The following CEP112 variants were observed in gnomAD, a reference collection of about 807,000 sequenced individuals.
The protein encoded by CEP112 is centrosomal protein of 112 kDa.
CEP112 carries 127 observed loss-of-function variants against 153.0 expected under a neutral mutation model. The ratio of observed to expected loss-of-function variants is 0.83; its 90% CI spans 0.72 to 0.96. CEP112 has a LOEUF of 0.96. Among genes scored for constraint, CEP112 ranks in the 40% least tolerant of loss-of-function variants. The probability of loss-of-function intolerance (pLI) is 0.00; values close to 1 mark genes in which losing one functional copy is unlikely to be tolerated. For synonymous variants in CEP112, 358 were observed against 374.4 expected (o/e 0.96, Z 0.51); for missense variants, 1,089 against 1,101.2 (o/e 0.99, Z 0.16).
At chr17:65,967,741 G>C (rs114553271) in intron 17 of CEP112, among the ~76,000 whole-genome samples, 291 of 152,198 alleles carry the variant, frequency 1.9e-3, no homozygotes, top group African/African-American at 6.7e-3. Flanking sequence ...ACAGTTTAAA[G>C]TTTATGTAAT....
chr17:66,107,220 A>G (rs910910778), intron 6 of CEP112, among the ~76,000 whole-genome samples: 3 of 152,108 alleles, frequency 2.0e-5, no homozygotes, highest in African/African-American at 4.8e-5. Flanking sequence ...AGCCTTTCCT[A>G]TAAGATCTGG....
At chr17:65,728,554 T>C (rs1011465751) in intron 23 of CEP112, among the ~76,000 whole-genome samples, 91 of 152,212 alleles carry the variant, frequency 6.0e-4, no homozygotes, top group African/African-American at 2.1e-3. Flanking sequence ...AGAGAACTGT[T>C]GTACCAGTGG....
chr17:65,660,451 CT>C (rs2046320544), intron 24 of CEP112, among the ~76,000 whole-genome samples: 2 of 82,888 alleles, frequency 2.4e-5, no homozygotes, highest in African/African-American at 5.1e-5. Flanking sequence ...CTCTCTCTCT[CT>C]TCTCTCTCTC....
At chr17:65,915,243 G>A (rs181164882) in intron 19 of CEP112, among the ~76,000 whole-genome samples, 5 of 152,152 alleles carry the variant, frequency 3.3e-5, no homozygotes, top group African/African-American at 9.6e-5. Flanking sequence ...TTGCTCAGTT[G>A]GGAAACTTTT....
intron 21 of CEP112, among the ~76,000 whole-genome samples, chr17:65,838,252 A>G (rs1308317098): frequency 6.6e-6 from 1 of 152,200 alleles, no homozygotes; most frequent in Non-Finnish European, 1.5e-5. Context: ...ACTACATATT[A>G]GGTCACAAAA....
At chr17:66,061,604 T>A (rs964409406) in intron 11 of CEP112, among the ~76,000 whole-genome samples, 1 of 150,860 alleles carries the variant, frequency 6.6e-6, no homozygotes, top group Non-Finnish European at 1.5e-5. Flanking sequence ...ACTGGAATAC[T>A]ATTCATCCAT....
chr17:65,689,014 C>A lies in CEP112; in HGVS notation c.2697+115G>T, dbSNP rs1330323209. 1.4e-4 allele frequency: 98 copies of A among 684,198 alleles called. No homozygotes were observed. In the East Asian group the frequency reaches 2.8e-3, roughly 19 times the overall value. The allele number at this position is 684,198 out of a possible 1,614,324, so 42.4% of individuals were successfully genotyped here. A position where few individuals can be genotyped will look rare whatever the true frequency, so the allele number is the denominator to read the frequency against. ...AACTCCTAACTTCAGGTGATCCACC[C>A]ACCTCGGCCTCCCAAAGTGCTGAGA... On this transcript the variant is annotated intron_variant, in intron 24 of 26. Coordinates refer to ENST00000535342, the MANE Select transcript of CEP112 (RefSeq NM_001199165.4).
Position 65,721,009 on chromosome 17 carries a change from CTTTT to C in CEP112, c.2607+22055_2607+22058del, listed in dbSNP as rs57507655. 5.6e-5 allele frequency among the ~76,000 whole-genome samples: 7 copies of C among 125,746 alleles called. No individual in the cohort carries two copies. The South Asian group carries it at 7.3e-4, about 13-fold the overall frequency. 82.5% of individuals were successfully genotyped at this position (125,746 alleles called of 152,430 possible). ...TTAAGTTTTATCTCTCTCTCTCTCT[CTTTT>C]TTTTTTTTTTTTTTTTGAGACGGAG... On this transcript the variant is annotated intron_variant, in intron 23 of 26. Coordinates refer to ENST00000535342, the MANE Select transcript of CEP112 (RefSeq NM_001199165.4).
At chr17:65,779,775 G>A (rs2053896456) in intron 21 of CEP112, among the ~76,000 whole-genome samples, 1 of 152,124 alleles carries the variant, frequency 6.6e-6, no homozygotes, top group Admixed American at 6.6e-5. Context: ...CCATAGGAAA[G>A]CCACATACTT....
chr17:65,925,726 T>C (rs1431421119), intron 19 of CEP112, among the ~76,000 whole-genome samples: 1 of 152,216 alleles, frequency 6.6e-6, no homozygotes, highest in Non-Finnish European at 1.5e-5. Context: ...CCATGTTTGC[T>C]TTGGCCAATA....
intron 4 of CEP112, among the ~76,000 whole-genome samples, chr17:66,147,756 G>A (rs1433108158): frequency 6.6e-6 from 1 of 152,046 alleles, no homozygotes; most frequent in Non-Finnish European, 1.5e-5. Flanking sequence ...CACCATTTGT[G>A]GAAATGACTG....
intron 23 of CEP112, among the ~76,000 whole-genome samples, chr17:65,719,378 C>T: frequency 6.6e-6 from 1 of 152,190 alleles, no homozygotes; most frequent in East Asian, 1.9e-4. Context: ...AGTTCCAGAC[C>T]TGCCTGGCCA....
At chr17:66,127,894 G>A (rs1366609357) in intron 6 of CEP112, among the ~76,000 whole-genome samples, 2 of 152,142 alleles carry the variant, frequency 1.3e-5, no homozygotes, top group Non-Finnish European at 2.9e-5. Context: ...GCCTTTAGGT[G>A]CCCTTCAGTT....
At chr17:65,970,398 ATG>A (rs1481334488) in intron 17 of CEP112, among the ~76,000 whole-genome samples, 1 of 140,438 alleles carries the variant, frequency 7.1e-6, no homozygotes, top group Non-Finnish European at 1.5e-5. Context: ...TATTACATGC[ATG>A]CACACATCAT....
chr17:65,748,692 T>C lies in CEP112; in HGVS notation c.2457+1970A>G, dbSNP rs138913768. Among the ~76,000 whole-genome samples, 21 of 152,276 alleles carry C rather than the reference T, an allele frequency of 1.4e-4. No homozygotes were observed. In the East Asian group the frequency reaches 2.5e-3, roughly 18 times the overall value. ...CTCCTCCATTTGACAAATGAGGAAATTGAATTCCAAAGAGGGCGGGTAACT... is the reference window on the plus strand; with the variant it reads ...CTCCTCCATTTGACAAATGAGGAAACTGAATTCCAAAGAGGGCGGGTAACT... On this transcript the variant is annotated intron_variant, in intron 22 of 26. Transcript: ENST00000535342.
intron 21 of CEP112, among the ~76,000 whole-genome samples, chr17:65,755,947 G>A (rs2052231866): frequency 6.6e-6 from 1 of 152,180 alleles, no homozygotes; most frequent in African/African-American, 2.4e-5. Context: ...TAGGGTGTGT[G>A]AAACCATGCT....
At chr17:66,058,662 C>A (rs2145977955) in intron 11 of CEP112, among the ~76,000 whole-genome samples, 1 of 152,066 alleles carries the variant, frequency 6.6e-6, no homozygotes, top group South Asian at 2.1e-4. Flanking sequence ...CAAGCCTGGG[C>A]AACATAGTGA....
chr17:65,930,140 T>A (rs1419338659), intron 18 of CEP112, among the ~76,000 whole-genome samples: 3 of 152,226 alleles, frequency 2.0e-5, no homozygotes, highest in Non-Finnish European at 1.5e-5. Flanking sequence ...TTCACTGGTA[T>A]ATGGAACTAC....
At chr17:66,149,884 GTTTGTTTT>G (rs2071108423) in intron 4 of CEP112, among the ~76,000 whole-genome samples, 13 of 46,834 alleles carry the variant, frequency 2.8e-4, no homozygotes, top group Non-Finnish European at 4.9e-4. Flanking sequence ...TTTTTTGTTT[GTTTGTTTT>G]TTTTTTTTTT....
Sources: allele counts gnomAD v4.1 joint callset (sites outside exome capture counted in the v4.1 genomes callset), GRCh38; gene constraint gnomAD v4.1.1; transcripts MANE v1.5; gene names NCBI Gene and HGNC (gene_info 2026-07-23, HGNC 2026-07-21).